Variants in ACTR3C observed in about 807,000 individuals in gnomAD.
The protein encoded by ACTR3C is actin related protein 3C.
Under a neutral mutation model 26.3 loss-of-function variants are expected in ACTR3C, and 18 were observed. The observed-to-expected ratio is 0.68, with a 90% CI of 0.47 to 1.01. The LOEUF (loss-of-function observed/expected upper bound fraction) is 1.01, where lower values mean the gene tolerates loss of function less well. Ranked by LOEUF, ACTR3C falls within the 50% of genes least tolerant of loss-of-function variation. ACTR3C has a pLI of 0.00. For missense variants in ACTR3C, 184 were observed against 250.7 expected (o/e 0.73, Z 1.80); for synonymous variants, 55 against 94.5 (o/e 0.58, Z 2.42).
the ACTR3C span, among the ~76,000 whole-genome samples, chr7:150,038,809 T>A: frequency 7.2e-6 from 1 of 139,234 alleles, no homozygotes. Flanking sequence ...GGGGGGTGCC[T>A]CCCCCCTCTG....
At chr7:150,137,026 C>T in the ACTR3C span, among the ~76,000 whole-genome samples, 2 of 152,190 alleles carry the variant, frequency 1.3e-5, no homozygotes, top group African/African-American at 4.8e-5. Context: ...CAATAGGGTT[C>T]CCACTCCTAT....
At chr7:150,040,894 T>A in the ACTR3C span, among the ~76,000 whole-genome samples, 1 of 149,270 alleles carries the variant, frequency 6.7e-6, no homozygotes, top group Non-Finnish European at 1.5e-5. Context: ...GCCTTTATGT[T>A]CAGGTTTTGC....
At chr7:150,220,877 T>G in the ACTR3C span, among the ~76,000 whole-genome samples, 1 of 152,296 alleles carries the variant, frequency 6.6e-6, no homozygotes, top group African/African-American at 2.4e-5. Flanking sequence ...CAGTGCGGAC[T>G]CCGGCACCCC....
At chr7:150,320,574 C>A (rs1015438920) in intron 1 of ACTR3C, among the ~76,000 whole-genome samples, 5 of 152,230 alleles carry the variant, frequency 3.3e-5, no homozygotes, top group African/African-American at 1.2e-4. Context: ...ACCAGGCTGG[C>A]CAATATGGCA....
chr7:150,107,816 G>A, the ACTR3C span, among the ~76,000 whole-genome samples: 1 of 151,824 alleles, frequency 6.6e-6, no homozygotes, highest in South Asian at 2.1e-4. Flanking sequence ...ATAAATATGA[G>A]GGATGAGAAT....
rs1311848604 is a variant in ACTR3C at position 150,280,818 on chromosome 7, G to GTGTGTA, written c.564+3934_564+3935insTACACA. 6.4e-5 allele frequency among the ~76,000 whole-genome samples: 9 copies of GTGTGTA among 141,050 alleles called. No individual in the cohort carries two copies. In the East Asian group the frequency reaches 8.2e-4, roughly 13 times the overall value. 92.5% of individuals were successfully genotyped at this position (141,050 alleles called of 152,430 possible). ...TCTTGATGTGTGTGTGTGTGTGTGT[G>GTGTGTA]TATATATATATACACACACACACAA... is the stretch of plus-strand genomic sequence containing the variant. On this transcript the variant is annotated intron_variant, in intron 6 of 7. Coordinates refer to ENST00000683684, the MANE Select transcript of ACTR3C (RefSeq NM_001164458.2).
chr7:150,250,915 G>A (rs1388947907), intron 6 of ACTR3C, among the ~76,000 whole-genome samples: 2 of 152,212 alleles, frequency 1.3e-5, no homozygotes, highest in East Asian at 3.8e-4. Context: ...TATGTGGAGA[G>A]TGCTTAAAAG....
the ACTR3C span, among the ~76,000 whole-genome samples, chr7:150,012,317 C>CTTTTTTTTTTTTTTT: frequency 5.0e-3 from 657 of 131,090 alleles, 171 homozygotes; most frequent in Middle Eastern, 0.016. Flanking sequence ...ATAAATGCAT[C>CTTTTTTTTTTTTTTT]TTTTTTTTTT....
chr7:150,019,596 TAAA>T, the ACTR3C span, among the ~76,000 whole-genome samples: 25 of 49,176 alleles, frequency 5.1e-4, no homozygotes, highest in Admixed American at 8.7e-4. Context: ...GTCTCAAAAA[TAAA>T]AATAATAATA....
the ACTR3C span, among the ~76,000 whole-genome samples, chr7:150,166,791 C>T: frequency 6.6e-6 from 1 of 150,470 alleles, no homozygotes; most frequent in Admixed American, 6.6e-5. Context: ...CATTAAGCAA[C>T]CTCTCTTCAT....
the ACTR3C span, among the ~76,000 whole-genome samples, chr7:150,169,388 GAA>G: frequency 0.011 from 1,278 of 120,126 alleles, 83 homozygotes; most frequent in African/African-American, 0.042. Flanking sequence ...ATTTCAAAAG[GAA>G]AAAAAAAAAA....
intron 1 of ACTR3C, among the ~76,000 whole-genome samples, chr7:150,299,244 AG>A (rs1032514144): frequency 2.0e-5 from 3 of 151,196 alleles, no homozygotes; most frequent in African/African-American, 7.3e-5. Context: ...GGCCTCCCAA[AG>A]GCTGGGATTA....
intron 1 of ACTR3C, among the ~76,000 whole-genome samples, chr7:150,321,977 G>A (rs1187092856): frequency 6.6e-6 from 1 of 152,204 alleles, no homozygotes; most frequent in Non-Finnish European, 1.5e-5. Flanking sequence ...TGAGGAGGTG[G>A]AAAGAAGTTC....
chr7:150,110,666 C>G, the ACTR3C span, among the ~76,000 whole-genome samples: 1 of 119,276 alleles, frequency 8.4e-6, no homozygotes, highest in South Asian at 2.9e-4. Flanking sequence ...GCAAAACTGT[C>G]TGAGGGCGGG....
the ACTR3C span, among the ~76,000 whole-genome samples, chr7:150,101,867 CA>C: frequency 6.6e-6 from 1 of 151,666 alleles, no homozygotes; most frequent in Non-Finnish European, 1.5e-5. Flanking sequence ...AATTGGGGTA[CA>C]TTCTTCATAG....
chr7:149,993,535 G>A, the ACTR3C span, among the ~76,000 whole-genome samples: 3 of 152,072 alleles, frequency 2.0e-5, no homozygotes, highest in East Asian at 5.8e-4. Flanking sequence ...GAATGGAGTC[G>A]CTTCCTGCAA....
At chr7:150,311,407 C>T (rs1344880484) in intron 1 of ACTR3C, among the ~76,000 whole-genome samples, 3 of 152,206 alleles carry the variant, frequency 2.0e-5, no homozygotes, top group African/African-American at 7.2e-5. Context: ...GAGGCCCTCA[C>T]AATCACAAGC....
chr7:150,041,189 C>G, the ACTR3C span, among the ~76,000 whole-genome samples: 194 of 150,552 alleles, frequency 1.3e-3, 8 homozygotes, highest in African/African-American at 4.6e-3. Flanking sequence ...ATCCCCATTT[C>G]AAAAGTTCCG....
chr7:149,891,226 G>T, the ACTR3C span: 5 of 1,233,268 alleles, frequency 4.1e-6, no homozygotes, highest in East Asian at 7.3e-5. Context: ...TCAGCTCGAA[G>T]ATATTTAAAA....
Sources: allele counts gnomAD v4.1 joint callset (sites outside exome capture counted in the v4.1 genomes callset), GRCh38; gene constraint gnomAD v4.1.1; transcripts MANE v1.5; gene names NCBI Gene and HGNC (gene_info 2026-07-23, HGNC 2026-07-21).